The following HIVEP1 variants were observed in gnomAD, a reference collection of about 807,000 sequenced individuals.
The protein encoded by HIVEP1 is zinc finger protein 40.
HIVEP1 carries 36 observed loss-of-function variants against 180.0 expected under a neutral mutation model. The ratio of observed to expected loss-of-function variants is 0.20; its 90% CI spans 0.15 to 0.26. The LOEUF (loss-of-function observed/expected upper bound fraction) is 0.26, where lower values mean the gene tolerates loss of function less well. Ranked by LOEUF, HIVEP1 falls within the 10% of genes least tolerant of loss-of-function variation. The pLI is 1.00. For synonymous variants in HIVEP1, 1,239 were observed against 1,239.0 expected (o/e 1.00, Z 0.00); for missense variants, 3,143 against 3,268.7 (o/e 0.96, Z 0.94).
chr6:12,207,742 A>AAATAATAATAAT, the HIVEP1 span, among the ~76,000 whole-genome samples: 9,028 of 138,086 alleles, frequency 0.065, 720 homozygotes, highest in African/African-American at 0.17. Context: ...AGTCTCTACA[A>AAATAATAATAAT]AATAATAATA....
At chr6:12,038,075 T>A (rs576466395) in intron 2 of HIVEP1, 19 of 271,688 alleles carry the variant, frequency 7.0e-5, no homozygotes, top group African/African-American at 3.9e-4. Context: ...AGGAACCTGA[T>A]GTATCTGTTA....
Position 12,124,596 on chromosome 6 carries a change from T to A in HIVEP1, c.4801T>A (p.Leu1601Ile). 6.2e-7 allele frequency: 1 copy of A among 1,614,128 alleles called. No homozygotes were observed. The highest frequency in any genetic ancestry group is 1.6e-4 in the Middle Eastern group (1 of 6,062). Residue 1601 changes from leucine (L) to isoleucine (I), a missense_variant, in exon 4 of 9, where the codon TTA becomes ATA. Coordinates refer to ENST00000379388, the MANE Select transcript of HIVEP1 (RefSeq NM_002114.4). ...AGATCATTGTGTGACATCAGCAACA[T>A]TACCAACCAAATTAATTGACAGCAT... ...GTDHCVTSAT[L>I]PTKLIDSMSN...
At chr6:12,189,045 G>A in the HIVEP1 span, among the ~76,000 whole-genome samples, 124,267 of 151,864 alleles carry the variant, frequency 0.82, 52,133 homozygotes, top group East Asian at 0.95. Context: ...TATACTTTGT[G>A]TATAATAATA....
At chr6:12,091,875 G>T (rs562115475) in intron 3 of HIVEP1, among the ~76,000 whole-genome samples, 1 of 152,168 alleles carries the variant, frequency 6.6e-6, no homozygotes, top group East Asian at 1.9e-4. Flanking sequence ...TAAAATTGTT[G>T]AGTGGGATTT....
chr6:12,170,057 C>G, the HIVEP1 span, among the ~76,000 whole-genome samples: 2 of 151,740 alleles, frequency 1.3e-5, no homozygotes, highest in African/African-American at 4.8e-5. Context: ...GGAGGCAGAG[C>G]TTGCAGTGAG....
intron 2 of HIVEP1, among the ~76,000 whole-genome samples, chr6:12,039,593 C>T (rs559633959): frequency 4.6e-5 from 7 of 152,176 alleles, no homozygotes; most frequent in East Asian, 1.9e-4. Flanking sequence ...AAGGTCATAG[C>T]GTTGGTTTGT....
intron 2 of HIVEP1, among the ~76,000 whole-genome samples, chr6:12,032,004 A>T (rs979628476): frequency 3.3e-5 from 5 of 152,194 alleles, no homozygotes; most frequent in African/African-American, 1.2e-4. Flanking sequence ...GTAGAGACCC[A>T]TCAAGCTGGC....
chr6:12,012,938 T>TAAAA (rs1445890038), intron 1 of HIVEP1: 1 of 152,434 alleles, frequency 6.6e-6, no homozygotes, highest in Non-Finnish European at 1.5e-5. Flanking sequence ...AAGTGCCTGT[T>TAAAA]TACTCCCGGC....
chr6:12,128,350 T>A (rs2113554718), intron 4 of HIVEP1, among the ~76,000 whole-genome samples: 1 of 152,308 alleles, frequency 6.6e-6, no homozygotes, highest in East Asian at 1.9e-4. Context: ...TGTGTAAGGA[T>A]GGGCCTCCCA....
intron 7 of HIVEP1, among the ~76,000 whole-genome samples, chr6:12,150,117 A>G (rs1314307090): frequency 6.6e-6 from 1 of 152,246 alleles, no homozygotes. Flanking sequence ...AGCTGCAATG[A>G]TAAGAAATGC....
Position 12,125,378 on chromosome 6 carries a change from C to T in HIVEP1, c.5583C>T (p.Ile1861=). 6.2e-7 allele frequency: 1 copy of T among 1,613,976 alleles called. No individual in the cohort carries two copies. Among genetic ancestry groups the T allele is most frequent in the Non-Finnish European group, 8.5e-7 (1 of 1,179,906 alleles). The change falls in exon 4 of 9, where the codon ATC becomes ATT. Residue 1861 remains isoleucine (I), a synonymous_variant. Coordinates refer to ENST00000379388, the MANE Select transcript of HIVEP1 (RefSeq NM_002114.4). Reference sequence around the variant, plus strand: ...GTGAATTGCAGGAATTTGAAAACATCAAGTCATCCACATCATTAACTCTTA... The same window carrying T: ...GTGAATTGCAGGAATTTGAAAACATTAAGTCATCCACATCATTAACTCTTA... ...PISELQEFEN[I]KSSTSLTLTV...
rs116095253 is a variant in HIVEP1 at position 12,034,708 on chromosome 6, C to T, written c.40+19040C>T. Among the ~76,000 whole-genome samples, 929 of 152,330 alleles carry T rather than the reference C, an allele frequency of 6.1e-3. 4 individuals are homozygous for T. Among genetic ancestry groups the T allele is most frequent in the Non-Finnish European group, 9.7e-3 (661 of 68,030 alleles). ...CCCACATTGAGCTAATTCTCTAAGT[C>T]CCAGTTTCGTAAAACCTATGCATGT... On this transcript the variant is annotated intron_variant, in intron 2 of 8. Coordinates refer to ENST00000379388, the MANE Select transcript of HIVEP1 (RefSeq NM_002114.4).
In HIVEP1 at chr6:12,054,881, A is replaced by C. The variant is rs145056402; in HGVS notation, c.41-34303A>C. On this transcript the variant is annotated intron_variant, in intron 2 of 8. Transcript: ENST00000379388. ...TTATCCTGAAATACTTCTAAGGAAAAAATTATCTACATGTTAAATACCCAT... is the reference window on the plus strand; with the variant it reads ...TTATCCTGAAATACTTCTAAGGAAACAATTATCTACATGTTAAATACCCAT... 4.3e-3 allele frequency among the ~76,000 whole-genome samples: 652 copies of C among 152,332 alleles called. 5 individuals carry two copies. Among genetic ancestry groups the C allele is most frequent in the African/African-American group, 0.015 (604 of 41,570 alleles).
At chr6:12,023,243 A>G (rs1768364874) in intron 2 of HIVEP1, among the ~76,000 whole-genome samples, 1 of 152,148 alleles carries the variant, frequency 6.6e-6, no homozygotes, top group South Asian at 2.1e-4. Context: ...TCCAGTGGTT[A>G]TTTTACAAAG....
intron 7 of HIVEP1, among the ~76,000 whole-genome samples, chr6:12,153,825 G>A (rs1404297009): frequency 6.6e-6 from 1 of 152,128 alleles, no homozygotes; most frequent in Non-Finnish European, 1.5e-5. Flanking sequence ...AAGCTTATGT[G>A]AGAGAATAGC....
At chr6:12,202,418 C>A in the HIVEP1 span, among the ~76,000 whole-genome samples, 1 of 152,060 alleles carries the variant, frequency 6.6e-6, no homozygotes, top group African/African-American at 2.4e-5. Flanking sequence ...AAATTATAGG[C>A]GGGAGCCACT....
At chr6:12,150,523 A>C (rs1759641404) in intron 7 of HIVEP1, among the ~76,000 whole-genome samples, 1 of 152,242 alleles carries the variant, frequency 6.6e-6, no homozygotes, top group Non-Finnish European at 1.5e-5. Flanking sequence ...TGCATTTTTA[A>C]AAATTACTAG....
chr6:12,198,070 A>C, the HIVEP1 span, among the ~76,000 whole-genome samples: 36,744 of 152,100 alleles, frequency 0.24, 4,832 homozygotes, highest in East Asian at 0.51. Flanking sequence ...AATGTTGGAA[A>C]TGTTGAGTTT....
chr6:12,086,593 G>A (rs4467770), intron 2 of HIVEP1, among the ~76,000 whole-genome samples: 105,746 of 151,760 alleles, frequency 0.7, 37,206 homozygotes, highest in Middle Eastern at 0.81. Flanking sequence ...GATTGCTGGG[G>A]AGTGTTACCC....
Sources: gnomAD v4.1 joint callset for allele counts (sites outside exome capture counted in the v4.1 genomes callset) on GRCh38, gnomAD v4.1.1 for gene constraint, MANE v1.5 for transcripts, NCBI Gene and HGNC (gene_info 2026-07-23, HGNC 2026-07-21) for gene names.